The following CIMAP3 variants were observed in gnomAD, a reference collection of about 807,000 sequenced individuals.
CIMAP3 encodes the protein ciliary microtubule-associated protein 3.
the CIMAP3 span, among the ~76,000 whole-genome samples, chr1:111,343,805 C>T: frequency 6.6e-6 from 1 of 152,172 alleles, no homozygotes; most frequent in Non-Finnish European, 1.5e-5. Flanking sequence ...GCAATATGAA[C>T]AGAGATTGAT....
chr1:111,338,084 T>C, the CIMAP3 span, among the ~76,000 whole-genome samples: 1 of 149,046 alleles, frequency 6.7e-6, no homozygotes, highest in Non-Finnish European at 1.5e-5. Flanking sequence ...AACAACCTGC[T>C]CCTGAATGAC....
At chr1:111,351,329 C>T in the CIMAP3 span, 34 of 1,569,248 alleles carry the variant, frequency 2.2e-5, no homozygotes, top group Non-Finnish European at 2.7e-5. Flanking sequence ...TATAATTGAG[C>T]GGCTGTAACT....
At chr1:111,349,950 TAA>T in the CIMAP3 span, 2 of 590,314 alleles carry the variant, frequency 3.4e-6, no homozygotes, top group South Asian at 4.7e-5. Context: ...CGAAATACAT[TAA>T]CAGGTAAAGG....
chr1:111,331,045 A>G, the CIMAP3 span, among the ~76,000 whole-genome samples: 1 of 152,220 alleles, frequency 6.6e-6, no homozygotes, highest in East Asian at 1.9e-4. Context: ...CTGCCCTATA[A>G]GGTTTCTGCT....
the CIMAP3 span, chr1:111,351,156 A>G: frequency 2.4e-6 from 2 of 847,658 alleles, no homozygotes; most frequent in South Asian, 1.5e-5. Flanking sequence ...ATTCACCTCT[A>G]TAATGTACAG....
chr1:111,351,257 A>G, the CIMAP3 span: 1 of 1,605,610 alleles, frequency 6.2e-7, no homozygotes, highest in South Asian at 1.1e-5. Flanking sequence ...CTTTCATTGC[A>G]GCTGTCCACA....
chr1:111,346,535 G>T, the CIMAP3 span: 13 of 1,519,172 alleles, frequency 8.6e-6, no homozygotes, highest in Non-Finnish European at 7.1e-6. Context: ...GCCCCAACTT[G>T]CCGCGCAGGC....
the CIMAP3 span, among the ~76,000 whole-genome samples, chr1:111,344,334 A>G: frequency 2.8e-4 from 42 of 152,288 alleles, no homozygotes; most frequent in Non-Finnish European, 5.1e-4. Context: ...TTAAACTTCA[A>G]ACTGTGTTTT....
chr1:111,327,016 A>T, the CIMAP3 span, among the ~76,000 whole-genome samples: 1 of 152,038 alleles, frequency 6.6e-6, no homozygotes, highest in South Asian at 2.1e-4. Flanking sequence ...ATACTTCGCA[A>T]ATATTTTCTC....
chr1:111,326,946 T>A, the CIMAP3 span, among the ~76,000 whole-genome samples: 4 of 152,150 alleles, frequency 2.6e-5, no homozygotes, highest in Non-Finnish European at 4.4e-5. Context: ...TTTTATTTGT[T>A]TTTTATTTTT....
At chr1:111,346,919 A>T in the CIMAP3 span, 1 of 1,613,822 alleles carries the variant, frequency 6.2e-7, no homozygotes, top group Non-Finnish European at 8.5e-7. Flanking sequence ...GACGCTGCGG[A>T]TAACTACCCT....
chr1:111,329,332 T>A, the CIMAP3 span, among the ~76,000 whole-genome samples: 8 of 151,924 alleles, frequency 5.3e-5, no homozygotes, highest in Non-Finnish European at 1.2e-4. Context: ...TTGGGGATGA[T>A]CTTCTTGTGT....
chr1:111,348,791 C>T, the CIMAP3 span: 1 of 820,672 alleles, frequency 1.2e-6, no homozygotes, highest in East Asian at 2.9e-5. Flanking sequence ...AATCAATTGT[C>T]TCACAGATTT....
At chr1:111,338,096 A>G in the CIMAP3 span, among the ~76,000 whole-genome samples, 1 of 150,052 alleles carries the variant, frequency 6.7e-6, no homozygotes, top group Admixed American at 6.6e-5. Flanking sequence ...CTGAATGACT[A>G]CTGGGTACAT....
At chr1:111,335,536 C>A in the CIMAP3 span, among the ~76,000 whole-genome samples, 1 of 152,228 alleles carries the variant, frequency 6.6e-6, no homozygotes, top group African/African-American at 2.4e-5. Flanking sequence ...AAACAGCGCA[C>A]CAGGAGATTA....
At chr1:111,351,283 AAGCATCGGAAC>A in the CIMAP3 span, 1 of 1,601,480 alleles carries the variant, frequency 6.2e-7, no homozygotes, top group Non-Finnish European at 8.5e-7. Context: ...AGACTTTAGA[AAGCATCGGAAC>A]CGTGTGGCCT....
At chr1:111,342,882 G>A in the CIMAP3 span, among the ~76,000 whole-genome samples, 2 of 152,002 alleles carry the variant, frequency 1.3e-5, no homozygotes, top group Non-Finnish European at 2.9e-5. Flanking sequence ...CGTCTGCTTG[G>A]AATTTTTTCA....
the CIMAP3 span, among the ~76,000 whole-genome samples, chr1:111,327,827 A>ATT: frequency 0.012 from 1,781 of 150,404 alleles, 8 homozygotes; most frequent in Non-Finnish European, 0.018. Context: ...GATTTTTTGA[A>ATT]TTTTTTTTTG....
the CIMAP3 span, chr1:111,348,766 A>G: frequency 3.9e-6 from 4 of 1,013,160 alleles, no homozygotes; most frequent in Non-Finnish European, 4.2e-6. Flanking sequence ...TAAATAAGGA[A>G]CCATTCAGAG....
Sources: gnomAD v4.1 joint callset for allele counts (sites outside exome capture counted in the v4.1 genomes callset) on GRCh38, gnomAD v4.1.1 for gene constraint, MANE v1.5 for transcripts, NCBI Gene and HGNC (gene_info 2026-07-23, HGNC 2026-07-21) for gene names.